Variants in ACCSL observed in about 807,000 individuals in gnomAD.
The protein encoded by ACCSL is probable inactive 1-aminocyclopropane-1-carboxylate synthase-like protein 2.
A neutral mutation model predicts 61.7 loss-of-function variants in ACCSL; 55 were observed. That is an observed-to-expected ratio of 0.89 (90% confidence interval 0.72 to 1.12). The LOEUF (loss-of-function observed/expected upper bound fraction) is 1.12, where lower values mean the gene tolerates loss of function less well. ACCSL is among the 50% of genes most tolerant of loss of function. The probability of loss-of-function intolerance (pLI) is 0.00; values close to 1 mark genes in which losing one functional copy is unlikely to be tolerated. For missense variants in ACCSL, 632 were observed against 698.0 expected, an observed-to-expected ratio of 0.91 and a Z score of 1.07; for synonymous variants, 258 against 264.3, an observed-to-expected ratio of 0.98 and a Z score of 0.23.
At chr11:44,047,791 A>T (rs7395345), upstream of ACCSL, among the ~76,000 whole-genome samples, 1 of 152,244 alleles carries the variant, frequency 6.6e-6, no homozygotes, top group African/African-American at 2.4e-5. Flanking sequence ...TGCCATTTAA[A>T]TAGAGCACTC....
chr11:43,999,812 C>T, the ACCSL span, among the ~76,000 whole-genome samples: 2 of 151,904 alleles, frequency 1.3e-5, no homozygotes, highest in South Asian at 2.1e-4. Context: ...AATCTGCTCT[C>T]AGTATCTGTG....
At chr11:44,016,557 A>G in the ACCSL span, among the ~76,000 whole-genome samples, 1 of 152,180 alleles carries the variant, frequency 6.6e-6, no homozygotes, top group Non-Finnish European at 1.5e-5. Context: ...AGGTGGTTTA[A>G]TAGAACCAGA....
Position 44,051,636 on chromosome 11 carries a change from T to C in ACCSL, c.706-17T>C, listed in dbSNP as rs1180241276. On this transcript the variant is annotated splice_polypyrimidine_tract_variant and intron_variant, in intron 4 of 13. Coordinates refer to ENST00000378832, the MANE Select transcript of ACCSL (RefSeq NM_001031854.2). ...AGGTATTGGTTTTGACTTCTGCCTC[T>C]CATGTGTTGTCTTCAGGTGGTGGTT... 3.1e-6 allele frequency: 5 copies of C among 1,614,156 alleles called. No homozygotes were observed. Among genetic ancestry groups the C allele is most frequent in the Non-Finnish European group, 4.2e-6 (5 of 1,179,998 alleles).
At chr11:44,052,624 G>T in intron 5 of ACCSL, 38 bp from the exon 6 acceptor site, 3 of 1,575,898 alleles carry the variant, frequency 1.9e-6, no homozygotes, top group Non-Finnish European at 2.6e-6. Flanking sequence ...CTGATTGGGA[G>T]ACTTTGGACT....
At chr11:43,995,742 C>T in the ACCSL span, among the ~76,000 whole-genome samples, 1 of 152,036 alleles carries the variant, frequency 6.6e-6, no homozygotes, top group Non-Finnish European at 1.5e-5. Context: ...AGTGCAGAGC[C>T]CAGAGAGCAA....
chr11:43,976,244 T>TGA, the ACCSL span, among the ~76,000 whole-genome samples: 1 of 152,280 alleles, frequency 6.6e-6, no homozygotes, highest in South Asian at 2.1e-4. Context: ...TTATCTTCTA[T>TGA]GAGAGAGAGA....
At chr11:44,043,283 C>G (rs935566982), upstream of ACCSL, among the ~76,000 whole-genome samples, 1 of 152,092 alleles carries the variant, frequency 6.6e-6, no homozygotes, top group Non-Finnish European at 1.5e-5. Context: ...CCAGTGCAGT[C>G]AGTTTCCTAC....
At chr11:43,934,313 G>T in the ACCSL span, among the ~76,000 whole-genome samples, 135 of 152,146 alleles carry the variant, frequency 8.9e-4, no homozygotes, top group Middle Eastern at 3.4e-3. Flanking sequence ...TGTGTGGAGG[G>T]CCCCCTGGGG....
the ACCSL span, among the ~76,000 whole-genome samples, chr11:43,978,783 G>GTTTTTTTT: frequency 2.5e-5 from 2 of 79,114 alleles, no homozygotes; most frequent in African/African-American, 4.8e-5. Flanking sequence ...GAGAAGGTGG[G>GTTTTTTTT]TTTTTTTTTT....
chr11:43,955,315 G>T, the ACCSL span, among the ~76,000 whole-genome samples: 1 of 152,168 alleles, frequency 6.6e-6, no homozygotes, highest in Non-Finnish European at 1.5e-5. Flanking sequence ...AATTTATAAA[G>T]AGCAGAAATT....
chr11:43,924,786 C>T, the ACCSL span, among the ~76,000 whole-genome samples: 22 of 152,274 alleles, frequency 1.4e-4, no homozygotes, highest in African/African-American at 4.6e-4. Flanking sequence ...ACGGGGCCCC[C>T]TAGGGGTGAA....
chr11:43,985,136 G>C, the ACCSL span, among the ~76,000 whole-genome samples: 1 of 152,324 alleles, frequency 6.6e-6, no homozygotes, highest in Admixed American at 6.5e-5. Context: ...CCAGTACCTG[G>C]AGTGCTTTCT....
the ACCSL span, among the ~76,000 whole-genome samples, chr11:43,962,350 G>A: frequency 1.3e-5 from 2 of 152,258 alleles, no homozygotes; most frequent in African/African-American, 4.8e-5. Context: ...GAGAATTTGG[G>A]AAGAGCTGAA....
At chr11:44,052,491 T>C (rs990300618) in intron 5 of ACCSL, among the ~76,000 whole-genome samples, 171 bp from the exon 6 acceptor site, 4 of 152,240 alleles carry the variant, frequency 2.6e-5, no homozygotes, top group Admixed American at 2.0e-4. Flanking sequence ...GTGATGTCTA[T>C]AATAATGGAT....
At chr11:44,028,035 G>A in the ACCSL span, among the ~76,000 whole-genome samples, 1 of 152,048 alleles carries the variant, frequency 6.6e-6, no homozygotes, top group East Asian at 1.9e-4. Context: ...GGGCATGGTA[G>A]CATGCACCTA....
chr11:43,985,562 C>G, the ACCSL span, among the ~76,000 whole-genome samples: 347 of 152,330 alleles, frequency 2.3e-3, 3 homozygotes, highest in African/African-American at 8.0e-3. Context: ...CCACCAGGCC[C>G]CAGGACAGCA....
the ACCSL span, among the ~76,000 whole-genome samples, chr11:43,939,812 G>T: frequency 6.6e-6 from 1 of 152,100 alleles, no homozygotes; most frequent in African/African-American, 2.4e-5. Flanking sequence ...TCACCATGTT[G>T]CCCAGGCTAG....
At chr11:44,040,388 C>A in the ACCSL span, among the ~76,000 whole-genome samples, 21 of 152,274 alleles carry the variant, frequency 1.4e-4, no homozygotes, top group African/African-American at 4.3e-4. Context: ...ACCGTGGCTT[C>A]AATGAGTGGT....
chr11:43,977,954 A>G, the ACCSL span, among the ~76,000 whole-genome samples: 1 of 151,548 alleles, frequency 6.6e-6, no homozygotes, highest in Admixed American at 6.6e-5. Context: ...AAGTGACACA[A>G]GTGTTACCGG....
Sources: allele counts gnomAD v4.1 joint callset (sites outside exome capture counted in the v4.1 genomes callset), GRCh38; gene constraint gnomAD v4.1.1; transcripts MANE v1.5; gene names NCBI Gene and HGNC (gene_info 2026-07-23, HGNC 2026-07-21).